The following SYNE2 variants were observed in gnomAD, a reference collection of about 807,000 sequenced individuals.
The protein encoded by SYNE2 is spectrin repeat containing nuclear envelope protein 2.
SYNE2 carries 431 observed loss-of-function variants against 856.3 expected under a neutral mutation model. That is an observed-to-expected ratio of 0.50 (90% CI 0.47 to 0.55). The LOEUF (loss-of-function observed/expected upper bound fraction) is 0.55. Ranked by LOEUF, SYNE2 falls within the 20% of genes least tolerant of loss-of-function variation. SYNE2 has a pLI of 0.00. For missense variants in SYNE2, 8,129 were observed against 8,023.2 expected (o/e 1.01, Z -0.50); for synonymous variants, 2,923 against 2,872.3 (o/e 1.02, Z -0.56).
intron 1 of SYNE2, among the ~76,000 whole-genome samples, chr14:63,834,092 T>C (rs1006971601): frequency 2.6e-5 from 4 of 152,206 alleles, no homozygotes; most frequent in Admixed American, 2.0e-4. Context: ...CTCCTTTGAG[T>C]AGGCACATTC....
At chr14:63,827,654 AAAGAAAG>A (rs1240631403) in intron 1 of SYNE2, among the ~76,000 whole-genome samples, 1 of 148,598 alleles carries the variant, frequency 6.7e-6, no homozygotes, top group East Asian at 1.9e-4. Context: ...AAAAAAAAAA[AAAGAAAG>A]AAAAAGAAAA....
intron 1 of SYNE2, among the ~76,000 whole-genome samples, chr14:63,766,235 C>T (rs1239749640): frequency 6.6e-6 from 1 of 151,998 alleles, no homozygotes; most frequent in Non-Finnish European, 1.5e-5. Context: ...CCTGCTATCA[C>T]ACCTGGCTAA....
In SYNE2 at chr14:64,053,084, T is replaced by C. The variant is rs751797403; in HGVS notation, c.9171T>C (p.Ala3057=). Residue 3057 remains alanine, a synonymous_variant, in exon 48 of 116, where the codon GCT becomes GCC. Transcript: ENST00000555002. ...KYQALLSKMR[A]IDLQIKKMTE... ...AGGCATTATTAAGTAAAATGAGAGC[T>C]ATTGATTTGCAAATTAAGAAAATGA... 16 of 1,613,982 alleles carry C rather than the reference T, an allele frequency of 9.9e-6. No individual in the cohort carries two copies. The Admixed American group carries it at 1.0e-4, about 10-fold the overall frequency.
chr14:64,023,983 G>A (rs1007484533), intron 38 of SYNE2: 5 of 401,328 alleles, frequency 1.2e-5, no homozygotes, highest in South Asian at 8.8e-5. Context: ...GAAGTTGGAC[G>A]TAGCCAGGAT....
chr14:63,990,791 T>C (rs1388603738), intron 20 of SYNE2, 151 bp from the exon 21 acceptor site: 1 of 767,818 alleles, frequency 1.3e-6, no homozygotes, highest in African/African-American at 1.8e-5. Context: ...TATCTAAATT[T>C]AGATAGATTT....
chr14:63,975,580 T>A (rs897862004), intron 11 of SYNE2, among the ~76,000 whole-genome samples: 2 of 152,220 alleles, frequency 1.3e-5, no homozygotes, highest in Admixed American at 6.5e-5. Flanking sequence ...CTGATCCGCC[T>A]GCCTTGGCTT....
chr14:63,859,814 T>C (rs1293292631), intron 1 of SYNE2, among the ~76,000 whole-genome samples: 1 of 152,178 alleles, frequency 6.6e-6, no homozygotes, highest in Non-Finnish European at 1.5e-5. Context: ...AGACTCTGCC[T>C]CGGGAAAAAG....
Position 64,022,816 on chromosome 14 carries a change from T to A in SYNE2, c.5590T>A (p.Ser1864Thr), listed in dbSNP as rs1389197622. The change falls in exon 38 of 116, where the codon TCA becomes ACA. Residue 1864 changes from serine to threonine, a missense_variant. This residue lies in a region of SYNE2 where 2,422 missense variants were observed against 2,357.4 expected (regional missense o/e 1.03). Coordinates refer to ENST00000555002, the MANE Select transcript of SYNE2 (RefSeq NM_182914.3). The part of the protein sequence containing the change: ...IKVNLKECFE[S>T]SETKKSVEQK... ...AGTGAACCTTAAGGAGTGTTTTGAA[T>A]CATCAGAAACAAAAAAGAGTGTGGA... 1 of 1,611,842 alleles carries A rather than the reference T, an allele frequency of 6.2e-7. No homozygotes were observed. The highest frequency in any genetic ancestry group is 1.3e-5 in the African/African-American group (1 of 74,766).
chr14:64,168,201 T>C (rs2098391996), intron 92 of SYNE2, among the ~76,000 whole-genome samples: 1 of 152,162 alleles, frequency 6.6e-6, no homozygotes, highest in African/African-American at 2.4e-5. Context: ...CCCCCCAGGC[T>C]CAAGCAATTC....
At chr14:64,110,329 G>C (rs1220708217) in intron 65 of SYNE2, among the ~76,000 whole-genome samples, 2 of 152,178 alleles carry the variant, frequency 1.3e-5, no homozygotes, top group South Asian at 4.1e-4. Context: ...TGATGCAGAA[G>C]TGAAGCAATG....
chr14:63,875,839 G>T (rs564029853), intron 1 of SYNE2, among the ~76,000 whole-genome samples: 1 of 152,300 alleles, frequency 6.6e-6, no homozygotes, highest in East Asian at 1.9e-4. Context: ...GAAGGGAGGC[G>T]TCACTGCCCA....
At position 64,002,895 on chromosome 14, in the gene SYNE2, C is replaced by T; in HGVS notation, c.3962C>T (p.Thr1321Ile). The T allele has an allele frequency of 6.2e-7, 1 of 1,614,164 alleles. No individual in the cohort carries two copies. The highest frequency in any genetic ancestry group is 8.5e-7 in the Non-Finnish European group (1 of 1,180,024). ...CACAGGGTGCAGAGGAGTGAAGATA[C>T]TCTCAAAGCTCTGGAAGACTTTTTG... ...MNHRVQRSED[T>I]LKALEDFLAS... Residue 1321 changes from threonine (T) to isoleucine (I), a missense_variant, in exon 30 of 116, where the codon ACT becomes ATT. By Grantham distance (89) the Thr-to-Ile change is moderately conservative. Coordinates refer to ENST00000555002, the MANE Select transcript of SYNE2 (RefSeq NM_182914.3).
chr14:63,838,904 A>C (rs765984591), intron 1 of SYNE2, among the ~76,000 whole-genome samples: 1 of 152,228 alleles, frequency 6.6e-6, no homozygotes, highest in African/African-American at 2.4e-5. Context: ...TTCAAATTTT[A>C]TAAGATAATG....
intron 1 of SYNE2, among the ~76,000 whole-genome samples, chr14:63,900,564 T>C (rs998717523): frequency 6.6e-6 from 1 of 152,122 alleles, no homozygotes; most frequent in Non-Finnish European, 1.5e-5. Context: ...GTTCCTCCCA[T>C]GACACGTGGG....
chr14:64,006,323 C>T (rs1177281094), intron 30 of SYNE2, among the ~76,000 whole-genome samples: 1 of 151,534 alleles, frequency 6.6e-6, no homozygotes, highest in South Asian at 2.1e-4. Context: ...CCGCCCCATC[C>T]CTCCTTAGGA....
intron 1 of SYNE2, among the ~76,000 whole-genome samples, chr14:63,894,205 AT>A (rs760402717): frequency 5.0e-3 from 693 of 139,528 alleles, no homozygotes; most frequent in Non-Finnish European, 4.6e-3. Context: ...CATTTTATGG[AT>A]TTTTTTTTTT....
At chr14:64,068,214 G>T (rs1828982703) in intron 51 of SYNE2, among the ~76,000 whole-genome samples, 2 of 152,082 alleles carry the variant, frequency 1.3e-5, no homozygotes, top group South Asian at 4.2e-4. Flanking sequence ...ACGGTCACAT[G>T]ATCACCAGCA....
chr14:64,141,879 G>A (rs546665108), intron 81 of SYNE2, 63 bp from the exon 82 acceptor site: 149 of 1,516,518 alleles, frequency 9.8e-5, no homozygotes, highest in Non-Finnish European at 1.3e-4. Context: ...ATCATCTTTA[G>A]TGATGCTCTG....
At chr14:63,855,324 C>T (rs1009228023) in intron 1 of SYNE2, among the ~76,000 whole-genome samples, 12 of 152,152 alleles carry the variant, frequency 7.9e-5, no homozygotes, top group Non-Finnish European at 1.8e-4. Flanking sequence ...TTCTTCTGTT[C>T]AAAACCCTCC....
Sources: allele counts gnomAD v4.1 joint callset (sites outside exome capture counted in the v4.1 genomes callset), GRCh38; gene constraint gnomAD v4.1.1; regional missense constraint gnomAD v4.1.1; transcripts MANE v1.5; gene names NCBI Gene and HGNC (gene_info 2026-07-23, HGNC 2026-07-21).